The following ALK variants were observed in gnomAD, a reference collection of about 807,000 sequenced individuals.
ALK encodes the protein ALK receptor tyrosine kinase, also known as ALK tyrosine kinase receptor.
A neutral mutation model predicts 163.1 loss-of-function variants in ALK; 74 were observed. The observed-to-expected ratio is 0.45, with a 90% CI of 0.38 to 0.55. The LOEUF is 0.55. Among genes scored for constraint, ALK ranks in the 20% least tolerant of loss-of-function variants. ALK has a pLI of 0.00. For synonymous variants in ALK, 960 were observed against 843.2 expected, an observed-to-expected ratio of 1.14 and a Z score of -2.40; for missense variants, 2,063 against 2,105.3, an observed-to-expected ratio of 0.98 and a Z score of 0.39.
chr2:29,452,320 C>T (rs901180844), intron 4 of ALK, among the ~76,000 whole-genome samples: 1 of 133,222 alleles, frequency 7.5e-6, no homozygotes. Context: ...AGATCTCACT[C>T]AAGTTTTTTT....
intron 4 of ALK, among the ~76,000 whole-genome samples, chr2:29,448,216 G>A (rs758189137): frequency 3.3e-5 from 5 of 152,328 alleles, no homozygotes; most frequent in Non-Finnish European, 7.3e-5. Context: ...CTGCTTGTGT[G>A]CTGAAACTGC....
At chr2:29,456,837 T>A (rs1670967657) in intron 4 of ALK, among the ~76,000 whole-genome samples, 1 of 152,174 alleles carries the variant, frequency 6.6e-6, no homozygotes, top group Admixed American at 6.5e-5. Flanking sequence ...CTCCTAATAG[T>A]TGCTCAACGT....
chr2:29,786,469 G>A lies in ALK; in HGVS notation c.668-68772C>T, dbSNP rs146194029. ...TTCTCCTAGAAAGGAAATGGCATCC[G>A]CAGCAATCAATGTTATACCTAGATG... is the stretch of plus-strand genomic sequence containing the variant. On this transcript the variant is annotated intron_variant, in intron 1 of 28. Coordinates refer to ENST00000389048, the MANE Select transcript of ALK (RefSeq NM_004304.5). 3.4e-4 allele frequency among the ~76,000 whole-genome samples: 52 copies of A among 152,348 alleles called. 1 individual carries two copies. The highest frequency in any genetic ancestry group is 1.0e-3 in the African/African-American group (42 of 41,578).
intron 3 of ALK, among the ~76,000 whole-genome samples, chr2:29,570,240 A>G (rs1483929832): frequency 6.6e-6 from 1 of 152,258 alleles, no homozygotes; most frequent in African/African-American, 2.4e-5. Context: ...TCTAAAAAGA[A>G]AGAGAAGATA....
chr2:29,673,807 A>T (rs1220809095), intron 3 of ALK, among the ~76,000 whole-genome samples: 2 of 151,300 alleles, frequency 1.3e-5, no homozygotes, highest in Admixed American at 6.6e-5. Context: ...TTCCTACCCA[A>T]GAGCATGGAA....
At chr2:29,907,854 A>T (rs1667591112) in intron 1 of ALK, among the ~76,000 whole-genome samples, 1 of 152,138 alleles carries the variant, frequency 6.6e-6, no homozygotes, top group Non-Finnish European at 1.5e-5. Context: ...AATTATTGTC[A>T]TGCCAACCAC....
At chr2:29,645,220 T>C (rs531631767) in intron 3 of ALK, among the ~76,000 whole-genome samples, 1 of 152,276 alleles carries the variant, frequency 6.6e-6, no homozygotes, top group African/African-American at 2.4e-5. Flanking sequence ...TGGGAAATTA[T>C]CAAAATAAAC....
chr2:29,595,434 C>A (rs1407893585), intron 3 of ALK, among the ~76,000 whole-genome samples: 1 of 151,744 alleles, frequency 6.6e-6, no homozygotes, highest in Non-Finnish European at 1.5e-5. Flanking sequence ...CATTGTCCTG[C>A]CTCAGCCTCC....
chr2:29,837,627 C>G (rs1665595336), intron 1 of ALK, among the ~76,000 whole-genome samples: 1 of 152,132 alleles, frequency 6.6e-6, no homozygotes, highest in Non-Finnish European at 1.5e-5. Flanking sequence ...TAAACTAGCC[C>G]TAGGTTAAAG....
At chr2:29,204,494 G>A (rs982956728) in intron 26 of ALK, among the ~76,000 whole-genome samples, 1 of 151,454 alleles carries the variant, frequency 6.6e-6, no homozygotes, top group Non-Finnish European at 1.5e-5. Context: ...ATTAGACTGT[G>A]GTTACGGGAT....
intron 5 of ALK, among the ~76,000 whole-genome samples, chr2:29,342,847 C>CT (rs1186720945): frequency 6.7e-6 from 1 of 149,250 alleles, no homozygotes; most frequent in Non-Finnish European, 1.5e-5. Context: ...AGCCTCTGAG[C>CT]TAACCCGACA....
intron 1 of ALK, among the ~76,000 whole-genome samples, chr2:29,772,897 G>A (rs557182750): frequency 1.4e-4 from 21 of 152,292 alleles, no homozygotes; most frequent in African/African-American, 4.6e-4. Context: ...GGCTTACCAT[G>A]CAACACAAGG....
In ALK at chr2:29,863,682, T is replaced by C. The variant is rs1237526446; in HGVS notation, c.667+56311A>G. ...AACCCTTACACTGTTGGTAAGAATATAGATTAGTACAGCCATTTATGGAAA... is the reference window on the plus strand; with the variant it reads ...AACCCTTACACTGTTGGTAAGAATACAGATTAGTACAGCCATTTATGGAAA... On this transcript the variant is annotated intron_variant, in intron 1 of 28. Transcript: ENST00000389048. Among the ~76,000 whole-genome samples the C allele has an allele frequency of 3.9e-5, 6 of 152,126 alleles. No homozygotes were observed. In the East Asian group the frequency reaches 7.7e-4, roughly 20 times the overall value.
rs115091427 is a variant in ALK at position 29,621,816 on chromosome 2, T to A, written c.952+73034A>T. Among the ~76,000 whole-genome samples, 429 of 152,298 alleles carry A rather than the reference T, an allele frequency of 2.8e-3. 3 individuals carry two copies. Among genetic ancestry groups the A allele is most frequent in the Middle Eastern group, 0.017 (5 of 294 alleles). ...TGGACCTCTTAACCAATCGCCAGCA[T>A]CATTGTGCGAATGAGTTTGTCTCAA... On this transcript the variant is annotated intron_variant, in intron 3 of 28. Coordinates refer to ENST00000389048, the MANE Select transcript of ALK (RefSeq NM_004304.5).
chr2:29,873,194 G>A (rs1666620854), intron 1 of ALK, among the ~76,000 whole-genome samples: 1 of 152,296 alleles, frequency 6.6e-6, no homozygotes, highest in East Asian at 1.9e-4. Context: ...TCTCAAACAG[G>A]CAAGAGATCC....
intron 23 of ALK, among the ~76,000 whole-genome samples, chr2:29,218,091 A>T (rs544916672): frequency 8.5e-5 from 13 of 152,204 alleles, no homozygotes; most frequent in Admixed American, 7.8e-4. Context: ...CCACAAACAC[A>T]TCTGCATTGG....
At chr2:29,432,824 T>C (rs1309504226) in intron 4 of ALK, among the ~76,000 whole-genome samples, 1 of 152,060 alleles carries the variant, frequency 6.6e-6, no homozygotes, top group Non-Finnish European at 1.5e-5. Flanking sequence ...AAACATGTGC[T>C]TCACCCCCTG....
At chr2:29,578,612 TG>T (rs1251183741) in intron 3 of ALK, among the ~76,000 whole-genome samples, 1 of 152,210 alleles carries the variant, frequency 6.6e-6, no homozygotes, top group Non-Finnish European at 1.5e-5. Context: ...CTTTCTTCCT[TG>T]TCTTCAACTA....
intron 3 of ALK, among the ~76,000 whole-genome samples, chr2:29,623,251 C>T (rs764582562): frequency 1.3e-5 from 2 of 152,158 alleles, no homozygotes; most frequent in African/African-American, 2.4e-5. Flanking sequence ...AAATGATCTT[C>T]ATGATGGTAT....
Sources: allele counts gnomAD v4.1 joint callset (sites outside exome capture counted in the v4.1 genomes callset), GRCh38; gene constraint gnomAD v4.1.1; transcripts MANE v1.5; gene names NCBI Gene and HGNC (gene_info 2026-07-23, HGNC 2026-07-21).